Variants in SUPT3H observed in about 807,000 individuals in gnomAD.
The protein encoded by SUPT3H is transcription initiation protein SPT3 homolog.
A neutral mutation model predicts 44.3 loss-of-function variants in SUPT3H; 44 were observed. The ratio of observed to expected loss-of-function variants is 0.99; its 90% CI spans 0.78 to 1.28. The LOEUF is 1.28. SUPT3H is among the 50% of genes most tolerant of loss of function. The probability of loss-of-function intolerance (pLI) is 0.00; values close to 1 mark genes in which losing one functional copy is unlikely to be tolerated. For missense variants in SUPT3H, 380 were observed against 387.1 expected, an observed-to-expected ratio of 0.98 and a Z score of 0.15; for synonymous variants, 124 against 125.6, an observed-to-expected ratio of 0.99 and a Z score of 0.09.
chr6:45,336,178 G>A (rs1788512515), intron 2 of SUPT3H, among the ~76,000 whole-genome samples: 7 of 147,122 alleles, frequency 4.8e-5, no homozygotes, highest in Admixed American at 4.3e-4. Flanking sequence ...AATTTAGAAG[G>A]AAAACTTAAC....
chr6:44,968,481 A>G (rs868563937), intron 6 of SUPT3H, among the ~76,000 whole-genome samples: 6 of 152,118 alleles, frequency 3.9e-5, no homozygotes, highest in African/African-American at 1.4e-4. Context: ...GAGGCAATCC[A>G]GTACCCCAGT....
At chr6:45,058,175 G>C (rs9367214) in intron 3 of SUPT3H, among the ~76,000 whole-genome samples, 2 of 151,778 alleles carry the variant, frequency 1.3e-5, no homozygotes, top group African/African-American at 4.8e-5. Context: ...TAAGACAAGA[G>C]ATGAAGCAAG....
intron 1 of SUPT3H, among the ~76,000 whole-genome samples, chr6:45,365,618 T>G (rs1355987561): frequency 1.3e-5 from 2 of 149,268 alleles, no homozygotes; most frequent in Non-Finnish European, 3.0e-5. Context: ...TTTCAAAATG[T>G]GCTTCAGGGA....
At chr6:45,367,298 G>A (rs900739912) in intron 1 of SUPT3H, among the ~76,000 whole-genome samples, 3 of 152,074 alleles carry the variant, frequency 2.0e-5, no homozygotes, top group African/African-American at 7.2e-5. Context: ...AACTGAGCCC[G>A]AAAACCAAAA....
chr6:45,120,113 TA>T (rs1319601884), intron 2 of SUPT3H, among the ~76,000 whole-genome samples: 4 of 151,980 alleles, frequency 2.6e-5, no homozygotes, highest in Non-Finnish European at 5.9e-5. Context: ...ACATAGTTAA[TA>T]AGTGGCAGAA....
intron 9 of SUPT3H, among the ~76,000 whole-genome samples, chr6:44,945,963 G>C (rs759945715): frequency 6.6e-6 from 1 of 152,148 alleles, no homozygotes; most frequent in Non-Finnish European, 1.5e-5. Flanking sequence ...TGACTCTCTT[G>C]TCAGGGGCTC....
In SUPT3H at chr6:45,014,784, T is replaced by G. The variant is rs1783999539; in HGVS notation, c.364+17A>C. 1 of 1,543,082 alleles carries G rather than the reference T, an allele frequency of 6.5e-7. No individual in the cohort carries two copies. Among genetic ancestry groups the G allele is most frequent in the Non-Finnish European group, 8.7e-7 (1 of 1,146,560 alleles). On this transcript the variant is annotated intron_variant, in intron 5 of 10. Transcript: ENST00000371459. ...GTCATAAGCTCATGTTTTAGTTTTG[T>G]GTTTTGTTTTGGTTACCTTCGAGAA...
In SUPT3H at chr6:45,028,451, T is replaced by G. The variant is rs907027677; in HGVS notation, c.187-7819A>C. ...TGTCTACCCACTTTAAGCTTTCAGA[T>G]TTTTTTTTTTTTGACAGTTCTCACC... On this transcript the variant is annotated intron_variant, in intron 3 of 10. Transcript: ENST00000371459. 3.6e-3 allele frequency among the ~76,000 whole-genome samples: 86 copies of G among 24,106 alleles called. No individual in the cohort carries two copies. The African/African-American group carries it at 0.037, about 10-fold the overall frequency. The allele number at this position is 24,106 out of a possible 152,430, so 15.8% of individuals were successfully genotyped here.
intron 2 of SUPT3H, among the ~76,000 whole-genome samples, chr6:45,175,611 G>T (rs1811629172): frequency 6.6e-6 from 1 of 152,072 alleles, no homozygotes; most frequent in Non-Finnish European, 1.5e-5. Flanking sequence ...ATCTCTAGCA[G>T]CAGTACTCAT....
chr6:44,963,496 A>G (rs1156374182), intron 6 of SUPT3H, among the ~76,000 whole-genome samples: 1 of 152,184 alleles, frequency 6.6e-6, no homozygotes, highest in Non-Finnish European at 1.5e-5. Flanking sequence ...TCTCAAACAA[A>G]CAAACAAACA....
At chr6:45,237,981 G>T (rs936636709) in intron 2 of SUPT3H, among the ~76,000 whole-genome samples, 1 of 152,130 alleles carries the variant, frequency 6.6e-6, no homozygotes, top group Non-Finnish European at 1.5e-5. Flanking sequence ...CCCTTTAGCT[G>T]AGCAAGACTG....
intron 10 of SUPT3H, among the ~76,000 whole-genome samples, chr6:44,890,661 TG>T (rs1378933491): frequency 6.8e-6 from 1 of 146,226 alleles, no homozygotes; most frequent in Non-Finnish European, 1.5e-5. Context: ...TAATGCTAAA[TG>T]ACGAGTTAAT....
At chr6:45,144,341 T>A (rs1159199244) in intron 2 of SUPT3H, among the ~76,000 whole-genome samples, 1 of 151,674 alleles carries the variant, frequency 6.6e-6, no homozygotes, top group Non-Finnish European at 1.5e-5. Flanking sequence ...AAAGATAATA[T>A]ATCACGATCA....
chr6:44,903,615 G>T (rs534311087), intron 10 of SUPT3H, among the ~76,000 whole-genome samples: 3 of 152,192 alleles, frequency 2.0e-5, no homozygotes, highest in Non-Finnish European at 4.4e-5. Flanking sequence ...AGTAGGAGCT[G>T]CTACCATTCC....
At chr6:45,172,201 T>C (rs1461283440) in intron 2 of SUPT3H, among the ~76,000 whole-genome samples, 1 of 151,402 alleles carries the variant, frequency 6.6e-6, no homozygotes, top group Non-Finnish European at 1.5e-5. Flanking sequence ...GCCTCCAGAG[T>C]AGCTGGGACT....
At chr6:45,346,443 T>C (rs965684490) in intron 2 of SUPT3H, among the ~76,000 whole-genome samples, 6 of 152,048 alleles carry the variant, frequency 3.9e-5, no homozygotes, top group African/African-American at 1.4e-4. Context: ...TACAATACAG[T>C]ACACTAAACT....
At chr6:44,810,437 C>A (rs1766433560) in intron 11 of SUPT3H, among the ~76,000 whole-genome samples, 1 of 152,032 alleles carries the variant, frequency 6.6e-6, no homozygotes, top group Non-Finnish European at 1.5e-5. Context: ...CTTTACTCCC[C>A]CACTTCCATT....
At chr6:45,293,229 G>T (rs912454628) in intron 2 of SUPT3H, among the ~76,000 whole-genome samples, 1 of 152,148 alleles carries the variant, frequency 6.6e-6, no homozygotes, top group Non-Finnish European at 1.5e-5. Context: ...ACCTGCTCCT[G>T]AATAATCAGT....
chr6:45,020,310 T>C (rs1784937099), intron 4 of SUPT3H, among the ~76,000 whole-genome samples: 1 of 152,000 alleles, frequency 6.6e-6, no homozygotes, highest in Non-Finnish European at 1.5e-5. Context: ...CATAGACGCA[T>C]AAGGATAAGT....
Sources: allele counts gnomAD v4.1 joint callset (sites outside exome capture counted in the v4.1 genomes callset), GRCh38; gene constraint gnomAD v4.1.1; transcripts MANE v1.5; gene names NCBI Gene and HGNC (gene_info 2026-07-23, HGNC 2026-07-21).